Variants in LIMS1 observed in about 807,000 individuals in gnomAD.
LIMS1 encodes the protein LIM zinc finger domain containing 1.
In LIMS1, 18 loss-of-function variants were observed where a neutral mutation model predicts 44.1. The ratio of observed to expected loss-of-function variants is 0.41; its 90% CI spans 0.28 to 0.61. The LOEUF (loss-of-function observed/expected upper bound fraction) is 0.61. Among genes scored for constraint, LIMS1 ranks in the 20% least tolerant of loss-of-function variants. The pLI is 0.32. For synonymous variants in LIMS1, 93 were observed against 149.1 expected, an observed-to-expected ratio of 0.62 and a Z score of 2.74; for missense variants, 201 against 422.0, an observed-to-expected ratio of 0.48 and a Z score of 4.59.
chr2:108,642,305 A>C (rs1202508489), intron 1 of LIMS1, among the ~76,000 whole-genome samples: 1 of 149,616 alleles, frequency 6.7e-6, no homozygotes, highest in Non-Finnish European at 1.5e-5. Flanking sequence ...CATCATTACT[A>C]CTTAAGAGGA....
intron 1 of LIMS1, among the ~76,000 whole-genome samples, chr2:108,577,484 T>C (rs1254045181): frequency 6.6e-6 from 1 of 152,236 alleles, no homozygotes; most frequent in Admixed American, 6.5e-5. Context: ...GTTAGTGATA[T>C]GGTAGTCATT....
chr2:108,621,768 T>C (rs1404936186), intron 1 of LIMS1, among the ~76,000 whole-genome samples: 1 of 152,222 alleles, frequency 6.6e-6, no homozygotes, highest in Non-Finnish European at 1.5e-5. Flanking sequence ...CAACTGATTT[T>C]TCCACTTAGT....
At chr2:108,667,551 A>AAAAAT (rs765279788) in intron 2 of LIMS1, among the ~76,000 whole-genome samples, 119 of 130,470 alleles carry the variant, frequency 9.1e-4, no homozygotes, top group Middle Eastern at 4.1e-3. Flanking sequence ...AAAAAAAAAA[A>AAAAAT]ATATATATAT....
At chr2:108,549,175 A>G (rs1684591660) in intron 1 of LIMS1, among the ~76,000 whole-genome samples, 1 of 148,062 alleles carries the variant, frequency 6.8e-6, no homozygotes, top group Non-Finnish European at 1.5e-5. Context: ...TGTTTGGTTT[A>G]GTGAAGTATA....
rs181832081 is a variant in LIMS1, at chr2:108,633,104, A to G, written c.33-26501A>G. Among the ~76,000 whole-genome samples the G allele has an allele frequency of 2.0e-3, 307 of 152,276 alleles. 3 individuals are homozygous for G. The highest frequency in any genetic ancestry group is 7.1e-3 in the African/African-American group (293 of 41,560). Reference sequence around the variant, plus strand: ...ATGTTCATCATGACGGCAGTGGAAGATTTGGTTTTGCCTTTTGAATTATTC... The same window carrying G: ...ATGTTCATCATGACGGCAGTGGAAGGTTTGGTTTTGCCTTTTGAATTATTC... On this transcript the variant is annotated intron_variant, in intron 1 of 9. Coordinates refer to ENST00000544547, the Ensembl canonical transcript of LIMS1.
intron 1 of LIMS1, among the ~76,000 whole-genome samples, chr2:108,615,351 A>AT (rs1167812202): frequency 1.3e-5 from 2 of 152,066 alleles, no homozygotes; most frequent in Non-Finnish European, 2.9e-5. Flanking sequence ...GATACCCTCT[A>AT]TTTTGCCCTC....
At chr2:108,622,436 C>T (rs115692112) in intron 1 of LIMS1, among the ~76,000 whole-genome samples, 4,068 of 152,244 alleles carry the variant, frequency 0.027, 72 homozygotes, top group Middle Eastern at 0.082. Context: ...GACAGCTATA[C>T]TACAGTAACT....
chr2:108,560,067 A>G (rs1685061525), intron 1 of LIMS1, among the ~76,000 whole-genome samples: 1 of 151,708 alleles, frequency 6.6e-6, no homozygotes, highest in Non-Finnish European at 1.5e-5. Flanking sequence ...TCCTGCGGGG[A>G]GTTGTTCAGC....
chr2:108,681,394 A>AT (rs1161292735), intron 9 of LIMS1: 6 of 981,636 alleles, frequency 6.1e-6, no homozygotes, highest in Non-Finnish European at 7.3e-6. Flanking sequence ...CACTCACCTC[A>AT]TTTTTTAAAC....
At chr2:108,610,147 AATGTGT>A (rs1687515235) in intron 1 of LIMS1, among the ~76,000 whole-genome samples, 1 of 122,520 alleles carries the variant, frequency 8.2e-6, no homozygotes, top group South Asian at 3.1e-4. Flanking sequence ...TGTTACAAAA[AATGTGT>A]GTGTGTGTGT....
chr2:108,680,597 C>T, intron 8 of LIMS1, 98 bp from the exon 9 acceptor site: 1 of 1,433,288 alleles, frequency 7.0e-7, no homozygotes. Context: ...GTGCCACAGA[C>T]ACAGTCGTAG....
At chr2:108,600,412 C>T (rs1015580757) in intron 1 of LIMS1, among the ~76,000 whole-genome samples, 1 of 152,056 alleles carries the variant, frequency 6.6e-6, no homozygotes, top group Admixed American at 6.6e-5. Context: ...GTTGCCTGTG[C>T]TTGTGGGGTA....
chr2:108,570,185 C>G (rs969715762), intron 1 of LIMS1, among the ~76,000 whole-genome samples: 2 of 152,088 alleles, frequency 1.3e-5, no homozygotes, highest in African/African-American at 4.8e-5. Context: ...AATCCCAGCA[C>G]TTTGGGAGGC....
chr2:108,670,754 G>A, intron 2 of LIMS1, 27 bp from the exon 3 acceptor site: 3 of 1,611,996 alleles, frequency 1.9e-6, no homozygotes, highest in Non-Finnish European at 2.5e-6. Flanking sequence ...TTTCGTGTTT[G>A]TAAGTTGGTG....
At chr2:108,671,596 C>T (rs1320889997) in intron 3 of LIMS1, among the ~76,000 whole-genome samples, 7 of 152,066 alleles carry the variant, frequency 4.6e-5, no homozygotes, top group East Asian at 1.9e-4. Context: ...ATACCTCTGC[C>T]GGGTTTCCAG....
chr2:108,587,137 C>T (rs1573378953), intron 1 of LIMS1, among the ~76,000 whole-genome samples: 1 of 152,060 alleles, frequency 6.6e-6, no homozygotes, highest in African/African-American at 2.4e-5. Flanking sequence ...CTTGGATGTG[C>T]TTTTCCACTC....
intron 1 of LIMS1, among the ~76,000 whole-genome samples, chr2:108,619,399 G>A (rs188352399): frequency 2.7e-4 from 40 of 150,038 alleles, no homozygotes; most frequent in African/African-American, 9.3e-4. Flanking sequence ...TTTAAAAAAC[G>A]AAGGCTGGGC....
At chr2:108,542,466 C>T (rs1684345787) in intron 1 of LIMS1, among the ~76,000 whole-genome samples, 1 of 152,220 alleles carries the variant, frequency 6.6e-6, no homozygotes, top group East Asian at 1.9e-4. Flanking sequence ...CTCACCAAGT[C>T]ATACAATTAG....
At chr2:108,579,004 C>A (rs1685784414) in intron 1 of LIMS1, among the ~76,000 whole-genome samples, 3 of 152,120 alleles carry the variant, frequency 2.0e-5, no homozygotes, top group Admixed American at 6.5e-5. Context: ...AGGTTAGCAT[C>A]CTGGATTCAT....
Sources: allele counts gnomAD v4.1 joint callset (sites outside exome capture counted in the v4.1 genomes callset), GRCh38; gene constraint gnomAD v4.1.1; transcripts MANE v1.5; gene names NCBI Gene and HGNC (gene_info 2026-07-23, HGNC 2026-07-21).